The following SLC6A17 variants were observed in gnomAD, a reference collection of about 807,000 sequenced individuals.
SLC6A17 encodes the protein solute carrier family 6 member 17, also known as sodium-dependent neutral amino acid transporter SLC6A17.
Under a neutral mutation model 64.5 loss-of-function variants are expected in SLC6A17, and 21 were observed. The observed-to-expected ratio is 0.33, with a 90% CI of 0.23 to 0.47. SLC6A17 has a LOEUF of 0.47. Ranked by LOEUF, SLC6A17 falls within the 20% of genes least tolerant of loss-of-function variation. SLC6A17 has a pLI of 1.00. For missense variants in SLC6A17, 682 were observed against 963.2 expected (o/e 0.71, Z 3.86); for synonymous variants, 372 against 399.5 (o/e 0.93, Z 0.82).
chr1:110,184,286 AT>A (rs959907424), intron 6 of SLC6A17, among the ~76,000 whole-genome samples: 14 of 151,854 alleles, frequency 9.2e-5, no homozygotes, highest in African/African-American at 3.4e-4. Context: ...AATTTTTTGT[AT>A]TTTTAGTAGG....
At chr1:110,177,026 G>A (rs987320603) in intron 6 of SLC6A17, among the ~76,000 whole-genome samples, 2 of 152,202 alleles carry the variant, frequency 1.3e-5, no homozygotes, top group African/African-American at 4.8e-5. Flanking sequence ...AGCTGCCATA[G>A]GACATTATAA....
At chr1:110,176,570 G>A in intron 5 of SLC6A17, 59 bp from the exon 6 acceptor site, 1 of 1,493,128 alleles carries the variant, frequency 6.7e-7, no homozygotes, top group Non-Finnish European at 9.3e-7. Context: ...GAGCAGGGAT[G>A]GGGGGTGCCA....
In SLC6A17 at chr1:110,194,752, G is replaced by T. The variant is rs143840691; in HGVS notation, c.1473G>T (p.Val491=). The T allele has an allele frequency of 4.3e-6, 7 of 1,613,626 alleles. No individual in the cohort carries two copies. The South Asian group carries it at 4.4e-5, about 10-fold the overall frequency. The part of the protein sequence containing the change: ...ITTPIIDTFK[V]PKEMFTVGCC... ...CGCCCATCATCGACACCTTCAAGGT[G>T]CCCAAGGAGATGTTCACAGGTAACT... The change falls in exon 9 of 12, where the codon GTG becomes GTT. Residue 491 remains valine (V), a synonymous_variant. Transcript: ENST00000331565.
At position 110,198,364 on chromosome 1, in the gene SLC6A17, C is replaced by T; in HGVS notation, c.2104C>T (p.Pro702Ser). The change falls in exon 12 of 12, where the codon CCC becomes TCC. Residue 702 changes from proline to serine, a missense_variant. By Grantham distance (74) the Pro-to-Ser change is moderately conservative. Around this residue, in one of 3 missense-constraint regions of SLC6A17, gnomAD observed 264 missense variants for 339.5 expected, o/e 0.78. Coordinates refer to ENST00000331565, the MANE Select transcript of SLC6A17 (RefSeq NM_001010898.4). ...CTATCTGGGGCCCGGCAGCACATCA[C>T]CCCTGGAGACCAGCGGTAACCCCAA... Reference protein sequence around the residue: ...RSYLGPGSTSPLETSGNPNGR... With the variant: ...RSYLGPGSTSSLETSGNPNGR... The T allele has an allele frequency of 6.2e-7, 1 of 1,614,176 alleles. No individual in the cohort carries two copies. Among genetic ancestry groups the T allele is most frequent in the East Asian group, 2.2e-5 (1 of 44,884 alleles).
intron 1 of SLC6A17, among the ~76,000 whole-genome samples, chr1:110,155,583 G>C (rs182078080): frequency 6.6e-6 from 1 of 152,266 alleles, no homozygotes; most frequent in African/African-American, 2.4e-5. Context: ...GCAGAGGAGT[G>C]AGTACCCCAG....
At chr1:110,190,654 G>A (rs934562383) in intron 6 of SLC6A17, among the ~76,000 whole-genome samples, 9 of 152,170 alleles carry the variant, frequency 5.9e-5, no homozygotes, top group African/African-American at 1.4e-4. Flanking sequence ...AGGGGCAGCC[G>A]GGCCAGGACC....
At position 110,195,637 on chromosome 1, in the gene SLC6A17, C is replaced by T. The variant is rs1223114393; in HGVS notation, c.1544C>T (p.Ser515Phe). 1 of 1,614,102 alleles carries T rather than the reference C, an allele frequency of 6.2e-7. No individual in the cohort carries two copies. The highest frequency in any genetic ancestry group is 8.5e-7 in the Non-Finnish European group (1 of 1,180,054). The change falls in exon 10 of 12, where the codon TCC becomes TTC. Residue 515 changes from serine (S) to phenylalanine (F), a missense_variant. Physicochemically the swap from Ser to Phe is radical, Grantham distance 155. Transcript: ENST00000331565. ...FLVGLLFVQR[S>F]GNYFVTMFDD... ...GTGGGGCTGTTGTTCGTCCAGCGCT[C>T]CGGAAACTACTTTGTCACCATGTTC...
At chr1:110,161,405 T>C (rs1207150942) in intron 1 of SLC6A17, among the ~76,000 whole-genome samples, 3 of 151,992 alleles carry the variant, frequency 2.0e-5, no homozygotes, top group Non-Finnish European at 4.4e-5. Flanking sequence ...TTCCTCTTCT[T>C]GGGGGCTCTT....
Position 110,192,527 on chromosome 1 carries a change from G to A in SLC6A17, c.1128G>A (p.Gly376=), listed in dbSNP as rs760584443. The A allele has an allele frequency of 1.9e-6, 3 of 1,613,696 alleles. No homozygotes were observed. Among genetic ancestry groups the A allele is most frequent in the Non-Finnish European group, 1.7e-6 (2 of 1,179,780 alleles). ...GCAGGAATGCTGAGAAAATCCTAGGGTACCTTAACACCAACGTCCTGAGCC... is the reference window on the plus strand; with the variant it reads ...GCAGGAATGCTGAGAAAATCCTAGGATACCTTAACACCAACGTCCTGAGCC... The part of the protein sequence containing the change: ...CVVENAEKIL[G]YLNTNVLSRD... Residue 376 remains glycine, a synonymous_variant, in exon 8 of 12, where the codon GGG becomes GGA. Coordinates refer to ENST00000331565, the MANE Select transcript of SLC6A17 (RefSeq NM_001010898.4). The surrounding 1 kb of genome is among the most constrained non-coding windows in gnomAD (Gnocchi z 4.3).
intron 2 of SLC6A17, among the ~76,000 whole-genome samples, chr1:110,167,666 G>A (rs555033097): frequency 6.6e-6 from 1 of 152,330 alleles, no homozygotes; most frequent in East Asian, 1.9e-4. Context: ...TGTTCTAAGG[G>A]CTTAATGGAT....
At position 110,199,029 on chromosome 1, in the gene SLC6A17, C is replaced by T. The variant is rs949096110; in HGVS notation, c.*585C>T. Reference sequence around the variant, plus strand: ...GACTTGGGAGGGCCTAGGCAGAAGCCCCAAGTTCTGTTTTCTGAGGTATGT... The same window carrying T: ...GACTTGGGAGGGCCTAGGCAGAAGCTCCAAGTTCTGTTTTCTGAGGTATGT... On this transcript the variant is annotated 3_prime_UTR_variant, in exon 12 of 12. Transcript: ENST00000331565. The T allele has an allele frequency of 1.3e-5, 2 of 152,904 alleles. No homozygotes were observed. Among genetic ancestry groups the T allele is most frequent in the Admixed American group, 6.5e-5 (1 of 15,338 alleles). 9.5% of individuals were successfully genotyped at this position (152,904 alleles called of 1,614,324 possible).
chr1:110,192,450 C>G lies in SLC6A17; in HGVS notation c.1107-56C>G, dbSNP rs563860502. 1.3e-6 allele frequency: 2 copies of G among 1,557,326 alleles called. No homozygotes were observed. Among genetic ancestry groups the G allele is most frequent in the East Asian group, 2.2e-5 (1 of 44,482 alleles). ...GGTGCCTGGGAAGAGCCTCCAGGAT[C>G]TCACCCATTGCCCACCCCTGCCTTC... is the stretch of plus-strand genomic sequence containing the variant. On this transcript the variant is annotated intron_variant, in intron 7 of 11. Coordinates refer to ENST00000331565, the MANE Select transcript of SLC6A17 (RefSeq NM_001010898.4). The surrounding 1 kb of genome is among the most constrained non-coding windows in gnomAD (Gnocchi z 4.3).
chr1:110,185,449 C>T (rs1318105547), intron 6 of SLC6A17, among the ~76,000 whole-genome samples: 1 of 152,232 alleles, frequency 6.6e-6, no homozygotes, highest in Non-Finnish European at 1.5e-5. Context: ...GTCACGCATG[C>T]GCTCAGGCTA....
chr1:110,154,201 G>T (rs1655690976), intron 1 of SLC6A17, among the ~76,000 whole-genome samples: 1 of 152,152 alleles, frequency 6.6e-6, no homozygotes, highest in African/African-American at 2.4e-5. Flanking sequence ...CACAATCCCA[G>T]GAGACAGATA....
intron 2 of SLC6A17, among the ~76,000 whole-genome samples, chr1:110,170,868 TA>T (rs1188505254): frequency 6.7e-6 from 1 of 149,818 alleles, no homozygotes; most frequent in African/African-American, 2.5e-5. Flanking sequence ...TGTGTGTGTG[TA>T]TACATGTGTG....
chr1:110,176,250 G>A (rs1656370517), intron 5 of SLC6A17, among the ~76,000 whole-genome samples: 2 of 152,130 alleles, frequency 1.3e-5, no homozygotes, highest in Admixed American at 1.3e-4. Context: ...CGTCAAAGGA[G>A]CTCTAAGGAC....
chr1:110,189,624 G>T (rs1284500412), intron 6 of SLC6A17, among the ~76,000 whole-genome samples: 1 of 152,116 alleles, frequency 6.6e-6, no homozygotes, highest in Non-Finnish European at 1.5e-5. Context: ...GTGAAGACAG[G>T]ATCTGTACAG....
At chr1:110,183,399 T>C (rs533860189) in intron 6 of SLC6A17, among the ~76,000 whole-genome samples, 1 of 152,240 alleles carries the variant, frequency 6.6e-6, no homozygotes, top group Admixed American at 6.5e-5. Context: ...TCCAATGATA[T>C]GAAATGTCCA....
intron 2 of SLC6A17, among the ~76,000 whole-genome samples, chr1:110,170,962 C>T (rs1390454671): frequency 3.3e-5 from 5 of 152,194 alleles, no homozygotes; most frequent in African/African-American, 1.2e-4. Context: ...ACTGTTACTC[C>T]ACTGTCCCCC....
Sources: gnomAD v4.1 joint callset for allele counts (sites outside exome capture counted in the v4.1 genomes callset) on GRCh38, gnomAD v4.1.1 for gene constraint, gnomAD v4.1.1 regional missense constraint, Gnocchi (gnomAD v3.1) non-coding constraint, MANE v1.5 for transcripts, NCBI Gene and HGNC (gene_info 2026-07-23, HGNC 2026-07-21) for gene names.